Variants in PCCA observed in about 807,000 individuals in gnomAD.
PCCA encodes propionyl-CoA carboxylase alpha chain, mitochondrial.
Under a neutral mutation model 101.3 loss-of-function variants are expected in PCCA, and 74 were observed. That is an observed-to-expected ratio of 0.73 (90% CI 0.61 to 0.89). The LOEUF is 0.89. Ranked by LOEUF, PCCA falls within the 40% of genes least tolerant of loss-of-function variation. The pLI, the probability that PCCA is intolerant of heterozygous loss-of-function variation, is 0.00. For synonymous variants in PCCA, 294 were observed against 313.6 expected (o/e 0.94, Z 0.66); for missense variants, 891 against 907.0 (o/e 0.98, Z 0.23).
intron 1 of PCCA, among the ~76,000 whole-genome samples, chr13:100,095,269 C>G (rs2046665667): frequency 1.3e-5 from 2 of 152,192 alleles, no homozygotes; most frequent in Non-Finnish European, 2.9e-5. Context: ...AGATCCTTCA[C>G]TTTGTTGTAT....
chr13:100,219,963 A>G lies in PCCA; in HGVS notation c.600+10500A>G, dbSNP rs369481634. 4.6e-5 allele frequency among the ~76,000 whole-genome samples: 7 copies of G among 152,238 alleles called. No homozygotes were observed. The East Asian group carries it at 9.7e-4, about 21-fold the overall frequency. Reference sequence around the variant, plus strand: ...TTCAGGCTCTTTTGAAATGTGTAATATGGAGTTACATTGTTTGACAATGTG... The same window carrying G: ...TTCAGGCTCTTTTGAAATGTGTAATGTGGAGTTACATTGTTTGACAATGTG... On this transcript the variant is annotated intron_variant, in intron 7 of 23. Coordinates refer to ENST00000376285, the MANE Select transcript of PCCA (RefSeq NM_000282.4).
chr13:100,458,606 G>T (rs1329526398), intron 21 of PCCA, among the ~76,000 whole-genome samples: 1 of 152,096 alleles, frequency 6.6e-6, no homozygotes, highest in Non-Finnish European at 1.5e-5. Context: ...CTTCACTCCA[G>T]CCTGGGGAAC....
At chr13:100,216,111 C>A (rs1187181185) in intron 7 of PCCA, among the ~76,000 whole-genome samples, 1 of 151,860 alleles carries the variant, frequency 6.6e-6, no homozygotes, top group Admixed American at 6.6e-5. Context: ...CTTTCCCTTC[C>A]CCTTCCCTTT....
chr13:100,274,762 T>G (rs1418664807), intron 12 of PCCA, among the ~76,000 whole-genome samples: 1 of 152,148 alleles, frequency 6.6e-6, no homozygotes, highest in African/African-American at 2.4e-5. Flanking sequence ...TAGTACGGCC[T>G]CATCATACGT....
intron 8 of PCCA, among the ~76,000 whole-genome samples, chr13:100,249,134 G>A (rs1210999887): frequency 6.6e-6 from 1 of 152,098 alleles, no homozygotes; most frequent in African/African-American, 2.4e-5. Context: ...ATTTTTAATG[G>A]TTTGTGCTTT....
intron 1 of PCCA, among the ~76,000 whole-genome samples, chr13:100,094,212 GA>G (rs1391945069): frequency 2.4e-5 from 3 of 124,064 alleles, no homozygotes; most frequent in African/African-American, 9.2e-5. Context: ...TGGGCAACAA[GA>G]GCGAAAATCT....
intron 16 of PCCA, among the ~76,000 whole-genome samples, chr13:100,329,570 A>G (rs566310854): frequency 6.6e-6 from 1 of 152,332 alleles, no homozygotes; most frequent in East Asian, 1.9e-4. Flanking sequence ...GGAAGGATGA[A>G]AAAGCTCCAT....
intron 4 of PCCA, among the ~76,000 whole-genome samples, chr13:100,133,633 GA>G (rs2152328229): frequency 6.6e-6 from 1 of 151,066 alleles, no homozygotes; most frequent in Admixed American, 6.6e-5. Context: ...ACCATTCATT[GA>G]AAATAGTATT....
chr13:100,244,964 T>TGCGC lies in PCCA; in HGVS notation c.637+9087_637+9090dup, dbSNP rs1249563800. On this transcript the variant is annotated intron_variant, in intron 8 of 23. Transcript: ENST00000376285. ...GTGTGTGTGTGTGTGTGTGTGTGTG[T>TGCGC]GCGCAGTAGTAGAGATGTGGATAAA... Among the ~76,000 whole-genome samples the TGCGC allele has an allele frequency of 6.9e-3, 987 of 142,402 alleles. 13 individuals are homozygous for TGCGC. Among genetic ancestry groups the TGCGC allele is most frequent in the African/African-American group, 0.024 (935 of 39,230 alleles). The allele number at this position is 142,402 out of a possible 152,430, so 93.4% of individuals were successfully genotyped here.
At chr13:100,172,055 G>A (rs1261274555) in intron 6 of PCCA, among the ~76,000 whole-genome samples, 1 of 149,742 alleles carries the variant, frequency 6.7e-6, no homozygotes, top group Non-Finnish European at 1.5e-5. Context: ...AAAAATATTA[G>A]CTGGGTGTGT....
intron 6 of PCCA, among the ~76,000 whole-genome samples, chr13:100,202,721 A>G (rs1055816567): frequency 3.3e-5 from 5 of 150,286 alleles, no homozygotes; most frequent in Non-Finnish European, 7.4e-5. Flanking sequence ...AATATTTCTC[A>G]TCTTCTGTAT....
chr13:100,276,205 G>T (rs2063642349), intron 12 of PCCA, among the ~76,000 whole-genome samples: 1 of 97,844 alleles, frequency 1.0e-5, no homozygotes. Context: ...GTGAGAACTT[G>T]TCTGTACCAA....
chr13:100,129,541 T>A (rs1273479171), intron 4 of PCCA, among the ~76,000 whole-genome samples: 1 of 152,172 alleles, frequency 6.6e-6, no homozygotes, highest in Non-Finnish European at 1.5e-5. Context: ...GCCTCCCACC[T>A]TCTCCCTGAC....
chr13:100,187,704 G>T (rs1382200216), intron 6 of PCCA, among the ~76,000 whole-genome samples: 1 of 152,020 alleles, frequency 6.6e-6, no homozygotes, highest in Non-Finnish European at 1.5e-5. Context: ...AAGTTCAGGG[G>T]TACATGTGCA....
At chr13:100,494,304 A>T (rs568714226) in intron 21 of PCCA, among the ~76,000 whole-genome samples, 2 of 152,224 alleles carry the variant, frequency 1.3e-5, no homozygotes, top group African/African-American at 4.8e-5. Flanking sequence ...TAACAAGAAC[A>T]TTGTCCCTTG....
At chr13:100,183,251 CT>C (rs2056961760) in intron 6 of PCCA, among the ~76,000 whole-genome samples, 3 of 152,242 alleles carry the variant, frequency 2.0e-5, no homozygotes, top group South Asian at 4.2e-4. Context: ...CTCTGTGCCC[CT>C]GTGACAGTTT....
intron 6 of PCCA, among the ~76,000 whole-genome samples, chr13:100,175,010 G>A (rs1328630939): frequency 6.6e-6 from 1 of 152,008 alleles, no homozygotes; most frequent in Non-Finnish European, 1.5e-5. Flanking sequence ...TTTTTCCACT[G>A]TAAGTTGCAG....
chr13:100,216,607 A>G (rs2059535974), intron 7 of PCCA, among the ~76,000 whole-genome samples: 1 of 152,246 alleles, frequency 6.6e-6, no homozygotes, highest in Non-Finnish European at 1.5e-5. Flanking sequence ...AATTTTATAC[A>G]TATACTCATT....
intron 6 of PCCA, among the ~76,000 whole-genome samples, chr13:100,178,655 G>A (rs1295402424): frequency 6.6e-6 from 1 of 152,084 alleles, no homozygotes; most frequent in African/African-American, 2.4e-5. Context: ...TTTTATTTGC[G>A]GAGGGTGGGG....
Sources: gnomAD v4.1 joint callset for allele counts (sites outside exome capture counted in the v4.1 genomes callset) on GRCh38, gnomAD v4.1.1 for gene constraint, MANE v1.5 for transcripts, NCBI Gene and HGNC (gene_info 2026-07-23, HGNC 2026-07-21) for gene names.